The following DLC1 variants were observed in gnomAD, a reference collection of about 807,000 sequenced individuals.
DLC1 encodes the protein DLC1 Rho GTPase activating protein.
DLC1 carries 54 observed loss-of-function variants against 140.3 expected under a neutral mutation model. The ratio of observed to expected loss-of-function variants is 0.38; its 90% confidence interval spans 0.31 to 0.48. The LOEUF is 0.48. Among genes scored for constraint, DLC1 ranks in the 20% least tolerant of loss-of-function variants. The pLI is 0.96. For missense variants in DLC1, 2,536 were observed against 1,907.0 expected, an observed-to-expected ratio of 1.33 and a Z score of -6.14; for synonymous variants, 986 against 728.1, an observed-to-expected ratio of 1.35 and a Z score of -5.70.
intron 2 of DLC1, among the ~76,000 whole-genome samples, chr8:13,414,197 G>A (rs989286718): frequency 6.6e-6 from 1 of 151,846 alleles, no homozygotes; most frequent in African/African-American, 2.4e-5. Context: ...AAAATTTTTT[G>A]GTACATTCAT....
chr8:13,521,750 T>G (rs1415058319), intron 1 of DLC1, among the ~76,000 whole-genome samples: 13 of 152,166 alleles, frequency 8.5e-5, no homozygotes, highest in Non-Finnish European at 1.5e-4. Context: ...GAAACAATAT[T>G]TGTTCCAATT....
At chr8:13,502,182 G>C (rs1212078400) in intron 1 of DLC1, among the ~76,000 whole-genome samples, 1 of 152,178 alleles carries the variant, frequency 6.6e-6, no homozygotes, top group Non-Finnish European at 1.5e-5. Flanking sequence ...ACCTTGACAA[G>C]TAGGTAAGTA....
chr8:13,116,550 G>A (rs945660448), intron 5 of DLC1, among the ~76,000 whole-genome samples: 1 of 152,150 alleles, frequency 6.6e-6, no homozygotes, highest in African/African-American at 2.4e-5. Context: ...TCTCAACATT[G>A]CATAATTTAT....
At chr8:13,432,749 A>G (rs982245963) in intron 2 of DLC1, among the ~76,000 whole-genome samples, 2 of 152,136 alleles carry the variant, frequency 1.3e-5, no homozygotes, top group Admixed American at 1.3e-4. Context: ...GTGTAGTTCC[A>G]GTAGAGTGGT....
chr8:13,375,966 G>A (rs1835964162), intron 4 of DLC1, among the ~76,000 whole-genome samples: 1 of 152,156 alleles, frequency 6.6e-6, no homozygotes, highest in Admixed American at 6.5e-5. Flanking sequence ...CTGTGAGAGT[G>A]ACTTGTAGAT....
intron 5 of DLC1, among the ~76,000 whole-genome samples, chr8:13,173,681 C>A (rs1825612637): frequency 6.6e-6 from 1 of 152,098 alleles, no homozygotes. Context: ...GTTCTGCTCC[C>A]TTTTTTCCGC....
intron 1 of DLC1, among the ~76,000 whole-genome samples, chr8:13,555,199 A>G (rs1318223306): frequency 6.6e-6 from 1 of 152,226 alleles, no homozygotes; most frequent in African/African-American, 2.4e-5. Context: ...TCAGAACTCC[A>G]TTGAACTCTC....
intron 2 of DLC1, among the ~76,000 whole-genome samples, chr8:13,417,575 G>A (rs1412781086): frequency 2.6e-5 from 4 of 151,784 alleles, no homozygotes; most frequent in Non-Finnish European, 5.9e-5. Flanking sequence ...ATTCCATGGT[G>A]TATATGTGCC....
At chr8:13,293,993 G>A (rs1831855258) in intron 5 of DLC1, among the ~76,000 whole-genome samples, 1 of 152,116 alleles carries the variant, frequency 6.6e-6, no homozygotes, top group African/African-American at 2.4e-5. Flanking sequence ...GAACACTCAG[G>A]ATATACCTAG....
At chr8:13,280,482 C>T (rs747934945) in intron 5 of DLC1, among the ~76,000 whole-genome samples, 2 of 152,076 alleles carry the variant, frequency 1.3e-5, no homozygotes, top group Non-Finnish European at 2.9e-5. Flanking sequence ...GCTAGAGATT[C>T]TGGTTTAAGT....
chr8:13,131,408 C>G (rs1822065468), intron 5 of DLC1, among the ~76,000 whole-genome samples: 3 of 152,048 alleles, frequency 2.0e-5, no homozygotes. Flanking sequence ...ATGTTTTTTC[C>G]AAATACATCA....
intron 1 of DLC1, among the ~76,000 whole-genome samples, chr8:13,579,860 A>G (rs1805020589): frequency 1.3e-5 from 2 of 151,592 alleles, no homozygotes; most frequent in African/African-American, 4.8e-5. Flanking sequence ...GTGCCCATAT[A>G]TTACATGTTG....
intron 2 of DLC1, among the ~76,000 whole-genome samples, chr8:13,424,498 TAATAAC>T (rs1838465735): frequency 6.6e-6 from 1 of 151,982 alleles, no homozygotes; most frequent in African/African-American, 2.4e-5. Flanking sequence ...CAAAAAATAA[TAATAAC>T]AATAAAATAA....
At chr8:13,170,527 G>C (rs370964449) in intron 5 of DLC1, among the ~76,000 whole-genome samples, 1 of 152,030 alleles carries the variant, frequency 6.6e-6, no homozygotes, top group African/African-American at 2.4e-5. Context: ...TCAGGAAATC[G>C]AGACCATCCT....
chr8:13,455,370 T>G (rs1416859528), intron 2 of DLC1, among the ~76,000 whole-genome samples: 1 of 152,120 alleles, frequency 6.6e-6, no homozygotes, highest in Non-Finnish European at 1.5e-5. Flanking sequence ...AAGTGTCCCA[T>G]GACATTCAGA....
intron 5 of DLC1, among the ~76,000 whole-genome samples, chr8:13,238,521 A>G (rs2117230042): frequency 6.6e-6 from 1 of 150,424 alleles, no homozygotes; most frequent in African/African-American, 2.5e-5. Context: ...TCAAAAAAAG[A>G]AAGAAAGAAA....
chr8:13,566,171 T>C (rs76557033), intron 1 of DLC1, among the ~76,000 whole-genome samples: 1 of 151,872 alleles, frequency 6.6e-6, no homozygotes, highest in African/African-American at 2.4e-5. Flanking sequence ...TAAAAAAAAA[T>C]GCTGGAAAGA....
At chr8:13,240,615 T>A (rs1829505876) in intron 5 of DLC1, among the ~76,000 whole-genome samples, 1 of 152,076 alleles carries the variant, frequency 6.6e-6, no homozygotes, top group South Asian at 2.1e-4. Flanking sequence ...TTGATTTTTG[T>A]AGAGATGAGG....
At chr8:13,543,148 C>A (rs1419206702) in intron 1 of DLC1, among the ~76,000 whole-genome samples, 1 of 151,994 alleles carries the variant, frequency 6.6e-6, no homozygotes, top group Admixed American at 6.6e-5. Flanking sequence ...TGGTATTTAG[C>A]AAATATTTAT....
Sources: allele counts gnomAD v4.1 joint callset (sites outside exome capture counted in the v4.1 genomes callset), GRCh38; gene constraint gnomAD v4.1.1; transcripts MANE v1.5; gene names NCBI Gene and HGNC (gene_info 2026-07-23, HGNC 2026-07-21).